Variants in EYS observed in about 807,000 individuals in gnomAD.
The protein encoded by EYS is protein eyes shut homolog.
A neutral mutation model predicts 282.1 loss-of-function variants in EYS; 250 were observed. The ratio of observed to expected loss-of-function variants is 0.89; its 90% CI spans 0.80 to 0.98. The LOEUF (loss-of-function observed/expected upper bound fraction) is 0.98, where lower values mean the gene tolerates loss of function less well. Among genes scored for constraint, EYS ranks in the 50% least tolerant of loss-of-function variants. The pLI, the probability that EYS is intolerant of heterozygous loss-of-function variation, is 0.00. For synonymous variants in EYS, 1,355 were observed against 1,282.9 expected, an observed-to-expected ratio of 1.06 and a Z score of -1.20; for missense variants, 4,016 against 3,709.0, an observed-to-expected ratio of 1.08 and a Z score of -2.15.
At chr6:65,200,571 G>A (rs1307552210) in intron 12 of EYS, among the ~76,000 whole-genome samples, 1 of 151,664 alleles carries the variant, frequency 6.6e-6, no homozygotes, top group African/African-American at 2.4e-5. Context: ...GCTAAACTAA[G>A]AGGAAGGTGA....
chr6:65,092,164 G>A (rs1774592799), intron 12 of EYS, among the ~76,000 whole-genome samples: 1 of 152,030 alleles, frequency 6.6e-6, no homozygotes, highest in Non-Finnish European at 1.5e-5. Flanking sequence ...GTTCTTTCAT[G>A]AAACATAGAA....
chr6:65,291,327 T>C (rs568992524), intron 12 of EYS, among the ~76,000 whole-genome samples: 1 of 151,590 alleles, frequency 6.6e-6, no homozygotes, highest in Admixed American at 6.6e-5. Context: ...AACCAAATGG[T>C]CCTCCTGCAC....
At chr6:64,958,726 C>T (rs1467827450) in intron 14 of EYS, among the ~76,000 whole-genome samples, 1 of 107,788 alleles carries the variant, frequency 9.3e-6, no homozygotes, top group East Asian at 2.8e-4. Context: ...CAAAACGAGA[C>T]TCCGTCTCAA....
chr6:65,014,124 A>G (rs2150134875), intron 13 of EYS, among the ~76,000 whole-genome samples: 1 of 152,332 alleles, frequency 6.6e-6, no homozygotes, highest in East Asian at 1.9e-4. Context: ...AGGGAATGGC[A>G]TCTGGTTTGC....
chr6:64,424,204 G>C (rs888279048), intron 28 of EYS, among the ~76,000 whole-genome samples: 2 of 152,002 alleles, frequency 1.3e-5, no homozygotes, highest in African/African-American at 4.8e-5. Context: ...ATCAACCCCC[G>C]TTTTCATATT....
chr6:64,812,274 C>T (rs1359641527), intron 22 of EYS, among the ~76,000 whole-genome samples: 2 of 150,436 alleles, frequency 1.3e-5, no homozygotes, highest in Non-Finnish European at 3.0e-5. Flanking sequence ...CACACAGGTA[C>T]ACACACATGT....
In EYS at chr6:63,721,040, C is replaced by T; in HGVS notation, c.8991G>A (p.Trp2997Ter). The change falls in exon 43 of 43, where the codon TGG becomes TGA. Residue 2997 changes from tryptophan to a stop codon, truncating the protein, a stop_gained. Transcript: ENST00000503581. LOFTEE classifies it high-confidence loss of function. The part of the protein sequence containing the change: ...STTKTEGLIV[W>*]MGIAQNEEND... ...TTTCTTCATTTTGAGCTATTCCCAT[C>T]CATACAATTAGACCTTCTGTTTTAG... is the stretch of plus-strand genomic sequence containing the variant. The T allele has an allele frequency of 6.4e-7, 1 of 1,551,258 alleles. No homozygotes were observed. Among genetic ancestry groups the T allele is most frequent in the Non-Finnish European group, 8.7e-7 (1 of 1,146,752 alleles).
chr6:64,716,192 C>G (rs75808432), intron 22 of EYS, among the ~76,000 whole-genome samples: 3 of 152,296 alleles, frequency 2.0e-5, no homozygotes, highest in Non-Finnish European at 4.4e-5. Flanking sequence ...TGTAAACTCA[C>G]ATTCAGAAGC....
chr6:64,308,330 CA>C (rs1769537466), intron 29 of EYS, among the ~76,000 whole-genome samples: 1 of 151,924 alleles, frequency 6.6e-6, no homozygotes, highest in African/African-American at 2.4e-5. Context: ...ATTTGGTGAA[CA>C]AAAATAACCT....
intron 30 of EYS, among the ~76,000 whole-genome samples, chr6:64,265,836 T>C (rs1767740006): frequency 3.3e-5 from 5 of 152,114 alleles, no homozygotes; most frequent in Admixed American, 3.3e-4. Flanking sequence ...ACTCTTCTTA[T>C]TTAGAGCATT....
intron 35 of EYS, among the ~76,000 whole-genome samples, chr6:63,879,409 T>C (rs1376988391): frequency 6.6e-6 from 1 of 152,142 alleles, no homozygotes; most frequent in African/African-American, 2.4e-5. Flanking sequence ...GAGAGGCTAC[T>C]GAAGAAAAAT....
chr6:65,199,835 C>T lies in EYS; in HGVS notation c.2023+96028G>A, dbSNP rs117929567. On this transcript the variant is annotated intron_variant, in intron 12 of 42. Coordinates refer to ENST00000503581, the MANE Select transcript of EYS (RefSeq NM_001142800.2). ...ACACCTAGTCATCATTTGAAAGGCA[C>T]CAAGGATGCATGGAGGAGAGTGACT... Among the ~76,000 whole-genome samples the T allele has an allele frequency of 6.0e-4, 91 of 151,998 alleles. 1 individual carries two copies. The East Asian group carries it at 0.016, about 28-fold the overall frequency.
intron 31 of EYS, among the ~76,000 whole-genome samples, chr6:64,090,295 T>G (rs1161204117): frequency 6.6e-6 from 1 of 152,178 alleles, no homozygotes; most frequent in Non-Finnish European, 1.5e-5. Flanking sequence ...TTCTGAAAAC[T>G]GTCAGATTTT....
At chr6:65,565,052 C>T (rs540898007) in intron 2 of EYS, among the ~76,000 whole-genome samples, 1 of 54,160 alleles carries the variant, frequency 1.8e-5, no homozygotes. Flanking sequence ...GAGACCATCC[C>T]AGCTAAAACG....
chr6:63,726,112 G>C (rs1166318387), intron 42 of EYS, among the ~76,000 whole-genome samples: 1 of 152,050 alleles, frequency 6.6e-6, no homozygotes, highest in Non-Finnish European at 1.5e-5. Flanking sequence ...TTTACTGTTT[G>C]GATGACAGAA....
At position 64,436,210 on chromosome 6, in the gene EYS, C is replaced by T; in HGVS notation, c.5891G>A (p.Arg1964Lys). ...TGTATACTTTTGCCCGTTGTCCACT[C>T]TAACAGTAGTATTAATGCTTTTAAA... Reference protein sequence around the residue: ...AKFKSINTTVRVDNGQKYTLL... With the variant: ...AKFKSINTTVKVDNGQKYTLL... The change falls in exon 28 of 43, where the codon AGA becomes AAA. Residue 1964 changes from arginine to lysine, a missense_variant. By Grantham distance (26) the Arg-to-Lys change is conservative. Coordinates refer to ENST00000503581, the MANE Select transcript of EYS (RefSeq NM_001142800.2). 2 of 1,544,966 alleles carry T rather than the reference C, an allele frequency of 1.3e-6. No individual in the cohort carries two copies. Among genetic ancestry groups the T allele is most frequent in the Non-Finnish European group, 1.8e-6 (2 of 1,142,814 alleles).
At chr6:64,352,463 T>C (rs745721350) in intron 29 of EYS, among the ~76,000 whole-genome samples, 4 of 151,582 alleles carry the variant, frequency 2.6e-5, no homozygotes, top group African/African-American at 2.4e-5. Context: ...TCCTGCTTTA[T>C]TCACTATCTC....
In EYS at chr6:64,364,790, C is replaced by T. The variant is rs556265342; in HGVS notation, c.6078+23900G>A. 6.5e-4 allele frequency among the ~76,000 whole-genome samples: 98 copies of T among 151,922 alleles called. 1 individual carries two copies. Among genetic ancestry groups the T allele is most frequent in the African/African-American group, 2.2e-3 (93 of 41,468 alleles). On this transcript the variant is annotated intron_variant, in intron 29 of 42. Transcript: ENST00000503581. ...AGTGGGGTGAGGGATGAAATACTTC[C>T]TATTGTGTACAATGTACACTATTTG...
At chr6:64,328,884 G>A (rs908692462) in intron 29 of EYS, among the ~76,000 whole-genome samples, 2 of 152,160 alleles carry the variant, frequency 1.3e-5, no homozygotes, top group African/African-American at 4.8e-5. Context: ...CTAGGCCTGA[G>A]AGAGATCAAT....
Sources: allele counts gnomAD v4.1 joint callset (sites outside exome capture counted in the v4.1 genomes callset), GRCh38; gene constraint gnomAD v4.1.1; transcripts MANE v1.5; gene names NCBI Gene and HGNC (gene_info 2026-07-23, HGNC 2026-07-21).